The following CPQ variants were observed in gnomAD, a reference collection of about 807,000 sequenced individuals.
CPQ encodes the protein Ser-Met dipeptidase.
Under a neutral mutation model 45.7 loss-of-function variants are expected in CPQ, and 37 were observed. The observed-to-expected ratio is 0.81, with a 90% confidence interval of 0.62 to 1.07. The LOEUF (loss-of-function observed/expected upper bound fraction) is 1.07, where lower values mean the gene tolerates loss of function less well. Among genes scored for constraint, CPQ ranks in the 50% least tolerant of loss-of-function variants. The probability of loss-of-function intolerance (pLI) is 0.00; values close to 1 mark genes in which losing one functional copy is unlikely to be tolerated. For missense variants in CPQ, 537 were observed against 572.9 expected (o/e 0.94, Z 0.64); for synonymous variants, 186 against 205.8 (o/e 0.90, Z 0.82).
chr8:96,819,289 T>C (rs1458216332), intron 2 of CPQ, among the ~76,000 whole-genome samples: 1 of 152,108 alleles, frequency 6.6e-6, no homozygotes, highest in Non-Finnish European at 1.5e-5. Flanking sequence ...CAACATAAGC[T>C]CCATCAAGTT....
chr8:96,891,220 A>T (rs1021840658), intron 4 of CPQ, among the ~76,000 whole-genome samples: 1 of 152,284 alleles, frequency 6.6e-6, no homozygotes, highest in Middle Eastern at 3.4e-3. Flanking sequence ...GAATCCATGG[A>T]TGGTAGTCTT....
chr8:97,096,822 A>G (rs1811217192), intron 7 of CPQ, among the ~76,000 whole-genome samples: 1 of 152,230 alleles, frequency 6.6e-6, no homozygotes, highest in African/African-American at 2.4e-5. Flanking sequence ...CCATGCAGGC[A>G]TCTATGGAAT....
intron 3 of CPQ, among the ~76,000 whole-genome samples, chr8:96,839,159 G>A (rs868496785): frequency 5.9e-5 from 9 of 151,862 alleles, no homozygotes; most frequent in African/African-American, 2.2e-4. Flanking sequence ...CCCCTGGAGG[G>A]TAGTTTGATT....
chr8:97,062,418 C>A (rs1810566135), intron 6 of CPQ, among the ~76,000 whole-genome samples: 1 of 152,114 alleles, frequency 6.6e-6, no homozygotes, highest in Non-Finnish European at 1.5e-5. Flanking sequence ...TCCAACTCAT[C>A]AGGCTGCTCA....
intron 1 of CPQ, among the ~76,000 whole-genome samples, chr8:96,719,799 C>T (rs1809738016): frequency 6.6e-6 from 1 of 152,206 alleles, no homozygotes; most frequent in Non-Finnish European, 1.5e-5. Flanking sequence ...ATACTCCCTA[C>T]TGCTCCCTAT....
intron 2 of CPQ, among the ~76,000 whole-genome samples, chr8:96,800,325 T>C (rs1017246013): frequency 6.6e-6 from 1 of 152,216 alleles, no homozygotes; most frequent in African/African-American, 2.4e-5. Flanking sequence ...AGCAGGGATG[T>C]ATTAATAAAA....
In CPQ at chr8:96,847,836, C is replaced by CT. The variant is rs76194040; in HGVS notation, c.641+12674dup. Among the ~76,000 whole-genome samples the CT allele has an allele frequency of 9.5e-3, 804 of 84,508 alleles. 3 individuals are homozygous for CT. Among genetic ancestry groups the CT allele is most frequent in the Middle Eastern group, 0.05 (5 of 100 alleles). The allele number at this position is 84,508 out of a possible 152,430, so 55.4% of individuals were successfully genotyped here. On this transcript the variant is annotated intron_variant, in intron 3 of 7. Transcript: ENST00000220763. ...TTTCTGCAGACTGATATTTGTTTTC[C>CT]TTTTTTTTTTTTTTTTTTAAACTAT...
intron 7 of CPQ, among the ~76,000 whole-genome samples, chr8:97,093,535 C>T (rs938890968): frequency 6.6e-6 from 1 of 152,068 alleles, no homozygotes; most frequent in Non-Finnish European, 1.5e-5. Context: ...TGCATATATA[C>T]CCCCTAAACC....
chr8:96,655,754 C>T (rs1056057899), intron 1 of CPQ, among the ~76,000 whole-genome samples: 1 of 152,174 alleles, frequency 6.6e-6, no homozygotes, highest in Non-Finnish European at 1.5e-5. Flanking sequence ...TGCAGATGCT[C>T]CTTGACTTAC....
intron 4 of CPQ, among the ~76,000 whole-genome samples, chr8:96,909,860 C>T (rs1386342698): frequency 2.6e-5 from 4 of 152,142 alleles, no homozygotes; most frequent in African/African-American, 9.7e-5. Flanking sequence ...AGTGGAAAAA[C>T]TAATCAAATT....
intron 4 of CPQ, among the ~76,000 whole-genome samples, chr8:96,894,415 A>G (rs1376423032): frequency 6.6e-6 from 1 of 152,196 alleles, no homozygotes; most frequent in Non-Finnish European, 1.5e-5. Context: ...AAATGTGACA[A>G]ATATGAGTAG....
At chr8:96,799,670 T>C (rs1810981344) in intron 2 of CPQ, among the ~76,000 whole-genome samples, 1 of 152,208 alleles carries the variant, frequency 6.6e-6, no homozygotes, top group Non-Finnish European at 1.5e-5. Context: ...GAATTTACAT[T>C]GATCAAGTGT....
At chr8:96,684,004 T>A (rs974231505) in intron 1 of CPQ, among the ~76,000 whole-genome samples, 4 of 152,212 alleles carry the variant, frequency 2.6e-5, no homozygotes, top group Admixed American at 1.3e-4. Context: ...TTCTGTAATA[T>A]TATTCTCTGG....
At chr8:97,122,970 A>G (rs1327928679) in intron 7 of CPQ, among the ~76,000 whole-genome samples, 1 of 74,674 alleles carries the variant, frequency 1.3e-5, no homozygotes, top group Non-Finnish European at 2.2e-5. Flanking sequence ...ATAAAATAAA[A>G]TAAAATAAAA....
At chr8:97,129,019 G>C (rs1263112512) in intron 7 of CPQ, among the ~76,000 whole-genome samples, 5 of 152,142 alleles carry the variant, frequency 3.3e-5, no homozygotes, top group Non-Finnish European at 5.9e-5. Context: ...AGACAGAGTG[G>C]GATTCACCCC....
chr8:97,132,051 T>C (rs1483794104), intron 7 of CPQ, among the ~76,000 whole-genome samples: 3 of 152,240 alleles, frequency 2.0e-5, no homozygotes, highest in Non-Finnish European at 4.4e-5. Flanking sequence ...TTCTTGCCTA[T>C]AATTTTTAAA....
chr8:96,884,708 T>TCTACA (rs1299261786), intron 4 of CPQ, among the ~76,000 whole-genome samples: 1 of 152,214 alleles, frequency 6.6e-6, no homozygotes, highest in Non-Finnish European at 1.5e-5. Context: ...TGATCTTTCA[T>TCTACA]AGGCCAGGGA....
intron 7 of CPQ, among the ~76,000 whole-genome samples, chr8:97,096,980 G>A (rs769811570): frequency 6.6e-6 from 1 of 152,186 alleles, no homozygotes; most frequent in African/African-American, 2.4e-5. Context: ...AACAGCCCAG[G>A]AGAGAATTGA....
intron 6 of CPQ, among the ~76,000 whole-genome samples, chr8:97,039,521 T>A (rs1810074032): frequency 6.6e-6 from 1 of 152,016 alleles, no homozygotes; most frequent in Non-Finnish European, 1.5e-5. Flanking sequence ...TTAGGGTACA[T>A]GTGCACAATG....
Sources: gnomAD v4.1 joint callset for allele counts (sites outside exome capture counted in the v4.1 genomes callset) on GRCh38, gnomAD v4.1.1 for gene constraint, MANE v1.5 for transcripts, NCBI Gene and HGNC (gene_info 2026-07-23, HGNC 2026-07-21) for gene names.